YEATS2: variants seen among roughly 807,000 people sequenced by gnomAD.
The protein encoded by YEATS2 is YEATS domain-containing protein 2.
YEATS2 carries 77 observed loss-of-function variants against 163.2 expected under a neutral mutation model. The ratio of observed to expected loss-of-function variants is 0.47; its 90% CI spans 0.39 to 0.57. The LOEUF (loss-of-function observed/expected upper bound fraction) is 0.57, where lower values mean the gene tolerates loss of function less well. Ranked by LOEUF, YEATS2 falls within the 20% of genes least tolerant of loss-of-function variation. YEATS2 has a pLI of 0.00. For missense variants in YEATS2, 1,549 were observed against 1,729.8 expected (o/e 0.90, Z 1.85); for synonymous variants, 631 against 645.1 (o/e 0.98, Z 0.33).
chr3:183,794,772 G>GGCACT (rs1330191030), intron 21 of YEATS2, among the ~76,000 whole-genome samples: 1 of 152,084 alleles, frequency 6.6e-6, no homozygotes, highest in African/African-American at 2.4e-5. Context: ...GGAAGAAAGG[G>GGCACT]TATATAAGTG....
intron 1 of YEATS2, among the ~76,000 whole-genome samples, chr3:183,707,412 A>G (rs752163975): frequency 5.3e-5 from 8 of 152,190 alleles, no homozygotes; most frequent in Non-Finnish European, 8.8e-5. Context: ...CATTGAGTAT[A>G]CCACGATTTG....
chr3:183,772,245 C>T (rs1039668456), intron 15 of YEATS2, 60 bp from the exon 16 acceptor site: 38 of 1,600,438 alleles, frequency 2.4e-5, no homozygotes, highest in Middle Eastern at 2.3e-4. Flanking sequence ...TCTGCCAAAA[C>T]GGTGACTGCT....
At chr3:183,749,503 C>G (rs1719934267) in intron 9 of YEATS2, among the ~76,000 whole-genome samples, 2 of 152,124 alleles carry the variant, frequency 1.3e-5, no homozygotes, top group South Asian at 4.1e-4. Flanking sequence ...TTTGACTACT[C>G]TAGGGTACCT....
chr3:183,795,080 A>T (rs1725009528), intron 21 of YEATS2, among the ~76,000 whole-genome samples: 2 of 150,574 alleles, frequency 1.3e-5, no homozygotes, highest in African/African-American at 4.9e-5. Flanking sequence ...AGATGGGAGG[A>T]TTACTTGACC....
chr3:183,699,132 A>C (rs1017462008), intron 1 of YEATS2, among the ~76,000 whole-genome samples: 1 of 152,078 alleles, frequency 6.6e-6, no homozygotes, highest in African/African-American at 2.4e-5. Flanking sequence ...GAGATGGGGA[A>C]GTATAAACAG....
At chr3:183,706,587 C>T (rs781659996) in intron 1 of YEATS2, among the ~76,000 whole-genome samples, 21 of 152,138 alleles carry the variant, frequency 1.4e-4, no homozygotes, top group Non-Finnish European at 1.8e-4. Context: ...GAGGCCAAGA[C>T]GGGCAGATCA....
At chr3:183,699,290 G>C (rs1206277793) in intron 1 of YEATS2, among the ~76,000 whole-genome samples, 1 of 151,868 alleles carries the variant, frequency 6.6e-6, no homozygotes, top group African/African-American at 2.4e-5. Flanking sequence ...GAAATTTGAG[G>C]TGGGAAAAAC....
At position 183,701,980 on chromosome 3, in the gene YEATS2, T is replaced by C. The variant is rs547099211; in HGVS notation, c.-20+3987T>C. ...CTGCAGTCATCAAAGTTCACATGCC[T>C]GAACATCTCACAGTTACTTTCCAAT... On this transcript the variant is annotated intron_variant, in intron 1 of 30. Transcript: ENST00000305135. 5.9e-5 allele frequency among the ~76,000 whole-genome samples: 9 copies of C among 152,326 alleles called. No individual in the cohort carries two copies. In the East Asian group the frequency reaches 1.5e-3, roughly 26 times the overall value.
intron 1 of YEATS2, among the ~76,000 whole-genome samples, chr3:183,709,197 C>A (rs1476317694): frequency 6.6e-6 from 1 of 151,688 alleles, no homozygotes; most frequent in Non-Finnish European, 1.5e-5. Flanking sequence ...TGGTTTCTAA[C>A]CTTTGTCAAA....
At position 183,761,384 on chromosome 3, in the gene YEATS2, G is replaced by A. The variant is rs60273035; in HGVS notation, c.1657-123G>A. 7,174 of 964,234 alleles carry A rather than the reference G, an allele frequency of 7.4e-3. 303 individuals carry two copies. In the African/African-American group the frequency reaches 0.096, roughly 13 times the overall value. The allele number at this position is 964,234 out of a possible 1,614,324, so 59.7% of individuals were successfully genotyped here. On this transcript the variant is annotated intron_variant, in intron 13 of 30. Transcript: ENST00000305135. ...GTACAGGCGTGAGCTACCGCACCCA[G>A]CCAGTCTTTTTATTTCTTTATATTG...
intron 1 of YEATS2, among the ~76,000 whole-genome samples, chr3:183,710,292 G>T (rs967429162): frequency 9.2e-5 from 14 of 152,164 alleles, no homozygotes; most frequent in African/African-American, 2.7e-4. Flanking sequence ...AGTCCAGAAG[G>T]TAATGTTATC....
At chr3:183,744,539 A>C (rs150539451) in intron 8 of YEATS2, among the ~76,000 whole-genome samples, 4 of 152,348 alleles carry the variant, frequency 2.6e-5, no homozygotes, top group Admixed American at 2.0e-4. Flanking sequence ...TACATTGTAC[A>C]TATTACTTAG....
At chr3:183,728,658 A>G (rs770438658) in intron 6 of YEATS2, 32 bp from the exon 7 acceptor site, 1 of 1,508,936 alleles carries the variant, frequency 6.6e-7, no homozygotes, top group Non-Finnish European at 8.8e-7. Context: ...AAGGACGAAA[A>G]GAATTCAGGT....
At chr3:183,716,154 T>C (rs1463138794) in intron 2 of YEATS2, among the ~76,000 whole-genome samples, 1 of 151,918 alleles carries the variant, frequency 6.6e-6, no homozygotes, top group Non-Finnish European at 1.5e-5. Flanking sequence ...AGAGACGGGG[T>C]TTCACCGTGT....
Position 183,797,942 on chromosome 3 carries a change from C to T in YEATS2, c.3117C>T (p.Ser1039=), listed in dbSNP as rs1449571735. The T allele has an allele frequency of 6.2e-7, 1 of 1,614,008 alleles. No individual in the cohort carries two copies. Among genetic ancestry groups the T allele is most frequent in the African/African-American group, 1.3e-5 (1 of 74,928 alleles). The change falls in exon 22 of 31, where the codon TCC becomes TCT. Residue 1039 remains serine (S), a synonymous_variant. Transcript: ENST00000305135. ...TTCTAGGACTGTTAAAGATTCACTC[C>T]AGTCAGTCCAGTCCGCAGCAGGCCG... ...ATVSGLLKIH[S]SQSSPQQAVL... is the part of the protein sequence containing the mutation.
chr3:183,805,232 CGCT>C (rs1560339117), intron 27 of YEATS2, among the ~76,000 whole-genome samples: 17 of 151,720 alleles, frequency 1.1e-4, no homozygotes, highest in East Asian at 3.9e-4. Flanking sequence ...AGGACCTTGT[CGCT>C]ACAAAAATTA....
At chr3:183,799,053 T>G (rs1178425818) in intron 23 of YEATS2, 64 bp downstream of exon 23, 1 of 1,220,874 alleles carries the variant, frequency 8.2e-7, no homozygotes, top group Admixed American at 1.7e-5. Context: ...TCGTTCACGT[T>G]CTCTCCTGAT....
chr3:183,775,938 A>T lies in YEATS2; in HGVS notation c.2392A>T (p.Ser798Cys). The stretch of plus-strand genomic sequence containing the variant: ...AGATCTCCAGTCTGGCTCAGCTGCC[A>T]GTGGTGGGAGTGGTGCCGGAGGAGG... ...NANLQSGSAA[S>C]GGSGAGGGGG... The change falls in exon 18 of 31, where the codon AGT (serine) becomes TGT (cysteine). Residue 798 changes from serine (S) to cysteine (C), a missense_variant. Ser to Cys is a moderately radical substitution (Grantham distance 112). Coordinates refer to ENST00000305135, the MANE Select transcript of YEATS2 (RefSeq NM_018023.5). 1 of 1,608,014 alleles carries T rather than the reference A, an allele frequency of 6.2e-7. No individual in the cohort carries two copies. Among genetic ancestry groups the T allele is most frequent in the Non-Finnish European group, 8.5e-7 (1 of 1,178,970 alleles).
At chr3:183,810,215 A>G in intron 30 of YEATS2, 1 of 394,892 alleles carries the variant, frequency 2.5e-6, no homozygotes, top group Non-Finnish European at 4.7e-6. Flanking sequence ...CCGTTCTGCC[A>G]TCCGCTTTGT....
Sources: gnomAD v4.1 joint callset for allele counts (sites outside exome capture counted in the v4.1 genomes callset) on GRCh38, gnomAD v4.1.1 for gene constraint, MANE v1.5 for transcripts, NCBI Gene and HGNC (gene_info 2026-07-23, HGNC 2026-07-21) for gene names.